The following PDZRN4 variants were observed in gnomAD, a reference collection of about 807,000 sequenced individuals.
PDZRN4 encodes PDZ domain containing ring finger 4.
A neutral mutation model predicts 99.0 loss-of-function variants in PDZRN4; 70 were observed. That is an observed-to-expected ratio of 0.71 (90% confidence interval 0.58 to 0.86). The LOEUF (loss-of-function observed/expected upper bound fraction) is 0.86, where lower values mean the gene tolerates loss of function less well. PDZRN4 is among the 40% of genes least tolerant of loss of function. The pLI, the probability that PDZRN4 is intolerant of heterozygous loss-of-function variation, is 0.00. For synonymous variants in PDZRN4, 551 were observed against 501.6 expected (o/e 1.10, Z -1.32); for missense variants, 1,474 against 1,331.2 (o/e 1.11, Z -1.67).
intron 5 of PDZRN4, among the ~76,000 whole-genome samples, chr12:41,511,617 G>T (rs10880087): frequency 0.15 from 23,053 of 152,164 alleles, 2,159 homozygotes; most frequent in Non-Finnish European, 0.21. Context: ...AGAACAACAT[G>T]CATGGTTAAA....
chr12:41,224,103 G>A (rs532592311), intron 3 of PDZRN4, among the ~76,000 whole-genome samples: 1 of 152,314 alleles, frequency 6.6e-6, no homozygotes, highest in African/African-American at 2.4e-5. Flanking sequence ...CTTTGCAATT[G>A]CCTATGGTTG....
At chr12:41,349,903 A>G (rs1441588465) in intron 3 of PDZRN4, among the ~76,000 whole-genome samples, 1 of 151,990 alleles carries the variant, frequency 6.6e-6, no homozygotes, top group African/African-American at 2.4e-5. Flanking sequence ...TTGAAAAATT[A>G]TATGAGGAAT....
intron 3 of PDZRN4, among the ~76,000 whole-genome samples, chr12:41,200,522 A>G (rs1397279604): frequency 6.6e-6 from 1 of 152,118 alleles, no homozygotes; most frequent in Non-Finnish European, 1.5e-5. Flanking sequence ...TAAACTCCTG[A>G]GAAGGGAAAC....
intron 7 of PDZRN4, among the ~76,000 whole-genome samples, chr12:41,557,497 G>A (rs1406385938): frequency 1.3e-5 from 2 of 152,158 alleles, no homozygotes; most frequent in Non-Finnish European, 2.9e-5. Flanking sequence ...TGTTTAGGAA[G>A]ACAGGAACAT....
intron 3 of PDZRN4, among the ~76,000 whole-genome samples, chr12:41,197,850 T>C (rs1438182484): frequency 6.6e-6 from 1 of 152,076 alleles, no homozygotes; most frequent in East Asian, 1.9e-4. Flanking sequence ...AAGTTCACTG[T>C]TGCTTTTAGC....
intron 3 of PDZRN4, among the ~76,000 whole-genome samples, chr12:41,387,354 C>T (rs981032904): frequency 2.6e-5 from 4 of 152,006 alleles, no homozygotes; most frequent in African/African-American, 4.8e-5. Flanking sequence ...GAGACTGAGG[C>T]GGGTGGATTG....
intron 6 of PDZRN4, 66 bp downstream of exon 6, chr12:41,552,820 C>A (rs939304161): frequency 8.7e-6 from 11 of 1,258,300 alleles, no homozygotes; most frequent in Admixed American, 1.7e-5. Flanking sequence ...AAATGACTCA[C>A]AATGAGAAAA....
chr12:41,487,164 C>T (rs1024893691), intron 3 of PDZRN4, among the ~76,000 whole-genome samples: 5 of 152,060 alleles, frequency 3.3e-5, no homozygotes, highest in Non-Finnish European at 7.4e-5. Flanking sequence ...AATGTAAACA[C>T]TCTGAGGTCA....
intron 3 of PDZRN4, among the ~76,000 whole-genome samples, chr12:41,203,833 G>A (rs2120672438): frequency 6.6e-6 from 1 of 152,128 alleles, no homozygotes; most frequent in South Asian, 2.1e-4. Flanking sequence ...TTGCATGTTT[G>A]TCTAAGGAGT....
At chr12:41,220,486 G>A (rs767824757) in intron 3 of PDZRN4, among the ~76,000 whole-genome samples, 14 of 152,148 alleles carry the variant, frequency 9.2e-5, no homozygotes, top group Non-Finnish European at 2.1e-4. Flanking sequence ...CAGGAAAGGG[G>A]ATGTAATTTA....
At chr12:41,313,998 T>A (rs1296589313) in intron 3 of PDZRN4, among the ~76,000 whole-genome samples, 1 of 152,216 alleles carries the variant, frequency 6.6e-6, no homozygotes, top group Non-Finnish European at 1.5e-5. Context: ...TGTTTATTCA[T>A]TCTTATGTGT....
chr12:41,251,852 A>G (rs1035417244), intron 3 of PDZRN4, among the ~76,000 whole-genome samples: 1 of 152,210 alleles, frequency 6.6e-6, no homozygotes, highest in Non-Finnish European at 1.5e-5. Context: ...ATGGTGGCTC[A>G]CGCCTGTAAT....
At chr12:41,438,117 T>G in intron 3 of PDZRN4, 2 of 1,412,970 alleles carry the variant, frequency 1.4e-6, no homozygotes, top group Non-Finnish European at 2.0e-6. Flanking sequence ...TCAGTACATT[T>G]CAGAATTGAG....
At chr12:41,398,934 A>G (rs1952270437) in intron 3 of PDZRN4, among the ~76,000 whole-genome samples, 1 of 152,128 alleles carries the variant, frequency 6.6e-6, no homozygotes, top group Admixed American at 6.6e-5. Context: ...ATTCAAATAA[A>G]CTATTTTCAT....
At chr12:41,458,792 G>A (rs1460709329) in intron 3 of PDZRN4, among the ~76,000 whole-genome samples, 1 of 152,086 alleles carries the variant, frequency 6.6e-6, no homozygotes, top group Non-Finnish European at 1.5e-5. Context: ...GTGAGAATAG[G>A]GGCAGAGAGC....
intron 1 of PDZRN4, 102 bp from the exon 2 acceptor site, chr12:41,191,356 T>C: frequency 1.5e-6 from 1 of 648,940 alleles, no homozygotes; most frequent in Non-Finnish European, 2.7e-6. Context: ...GTTTTCCTCT[T>C]TTCACATGTC....
chr12:41,284,941 G>T (rs190788747), intron 3 of PDZRN4, among the ~76,000 whole-genome samples: 1 of 151,982 alleles, frequency 6.6e-6, no homozygotes, highest in East Asian at 1.9e-4. Flanking sequence ...TCAGGACATA[G>T]CATGGGCAAG....
intron 3 of PDZRN4, among the ~76,000 whole-genome samples, chr12:41,226,432 A>G (rs1950995474): frequency 6.6e-6 from 1 of 152,090 alleles, no homozygotes; most frequent in African/African-American, 2.4e-5. Flanking sequence ...CACTGCAAAG[A>G]ACTCCAGAGC....
chr12:41,263,799 A>G (rs955364396), intron 3 of PDZRN4, among the ~76,000 whole-genome samples: 1 of 152,196 alleles, frequency 6.6e-6, no homozygotes, highest in African/African-American at 2.4e-5. Context: ...AAAGCAAGTT[A>G]CTAGTATAAA....
Sources: allele counts gnomAD v4.1 joint callset (sites outside exome capture counted in the v4.1 genomes callset), GRCh38; gene constraint gnomAD v4.1.1; transcripts MANE v1.5; gene names NCBI Gene and HGNC (gene_info 2026-07-23, HGNC 2026-07-21).